The following RPS6KA5 variants were observed in gnomAD, a reference collection of about 807,000 sequenced individuals.
The protein encoded by RPS6KA5 is ribosomal protein S6 kinase A5, also known as ribosomal protein S6 kinase alpha-5.
Under a neutral mutation model 85.5 loss-of-function variants are expected in RPS6KA5, and 27 were observed. That is an observed-to-expected ratio of 0.32 (90% CI 0.23 to 0.44). The LOEUF is 0.44. RPS6KA5 is among the 20% of genes least tolerant of loss of function. The pLI is 1.00. For synonymous variants in RPS6KA5, 334 were observed against 348.2 expected (o/e 0.96, Z 0.46); for missense variants, 811 against 980.9 (o/e 0.83, Z 2.31).
chr14:90,923,319 T>C (rs555010756), intron 5 of RPS6KA5, 123 bp from the exon 6 acceptor site: 4 of 719,696 alleles, frequency 5.6e-6, no homozygotes, highest in South Asian at 4.8e-5. Context: ...TAGAATCTAC[T>C]TGACAGACCC....
chr14:91,011,691 C>G (rs939170856), intron 1 of RPS6KA5, among the ~76,000 whole-genome samples: 1 of 152,118 alleles, frequency 6.6e-6, no homozygotes, highest in African/African-American at 2.4e-5. Flanking sequence ...TGGAAAGGTA[C>G]CAATTGAGTC....
chr14:90,963,417 G>A (rs780267052), intron 3 of RPS6KA5, among the ~76,000 whole-genome samples: 2 of 152,082 alleles, frequency 1.3e-5, no homozygotes, highest in African/African-American at 2.4e-5. Flanking sequence ...AAATTTTAGG[G>A]AGAGGAATTG....
Position 90,864,648 on chromosome 14 carries a change from A to G in RPS6KA5, c.*7426T>C, listed in dbSNP as rs1462054569. 1 of 152,210 alleles carries G rather than the reference A, an allele frequency of 6.6e-6. No individual in the cohort carries two copies. The highest frequency in any genetic ancestry group is 1.5e-5 in the Non-Finnish European group (1 of 68,042). The allele number at this position is 152,210 out of a possible 1,614,324, so 9.4% of individuals were successfully genotyped here. A position where few individuals can be genotyped will look rare whatever the true frequency, so the allele number is the denominator to read the frequency against. ...TAAAATATCAGACAAAAACCCTCAT[A>G]TCCATAAAATATAAAAGACTCCTGC... is the stretch of plus-strand genomic sequence containing the variant. On this transcript the variant is annotated 3_prime_UTR_variant, in exon 17 of 17. Coordinates refer to ENST00000614987, the MANE Select transcript of RPS6KA5 (RefSeq NM_004755.4).
chr14:90,879,928 C>T (rs999508081), intron 14 of RPS6KA5, among the ~76,000 whole-genome samples: 9 of 151,874 alleles, frequency 5.9e-5, no homozygotes, highest in Admixed American at 3.9e-4. Context: ...GGATTACAGG[C>T]GCCTGCCACC....
intron 1 of RPS6KA5, among the ~76,000 whole-genome samples, chr14:91,054,034 C>G (rs1412913012): frequency 6.6e-6 from 1 of 152,040 alleles, no homozygotes; most frequent in African/African-American, 2.4e-5. Context: ...ATAAATAAAC[C>G]CATACATCTA....
rs1431105054 is a variant in RPS6KA5, at chr14:90,863,338, A to G, written c.*8736T>C. On this transcript the variant is annotated 3_prime_UTR_variant, in exon 17 of 17. Transcript: ENST00000614987. ...AAAAAAAAAAAAAAAAAAGAAAAGA[A>G]AAGAAAAAAATATATATATATAGAA... 4 of 147,500 alleles carry G rather than the reference A, an allele frequency of 2.7e-5. No individual in the cohort carries two copies. The highest frequency in any genetic ancestry group is 9.8e-5 in the African/African-American group (4 of 40,848). 9.1% of individuals were successfully genotyped at this position (147,500 alleles called of 1,614,324 possible). A position where few individuals can be genotyped will look rare whatever the true frequency, so the allele number is the denominator to read the frequency against.
intron 3 of RPS6KA5, among the ~76,000 whole-genome samples, chr14:90,965,011 G>C (rs2038989573): frequency 6.7e-6 from 1 of 150,332 alleles, no homozygotes; most frequent in Non-Finnish European, 1.5e-5. Flanking sequence ...ATTAAATTTT[G>C]ATAACTGTTG....
At chr14:90,988,735 T>C (rs1279327303) in intron 2 of RPS6KA5, among the ~76,000 whole-genome samples, 1 of 152,000 alleles carries the variant, frequency 6.6e-6, no homozygotes, top group Non-Finnish European at 1.5e-5. Flanking sequence ...ATTGCTTGAA[T>C]CCGGGAGGCG....
rs151217071 is a variant in RPS6KA5 at position 91,038,054 on chromosome 14, T to G, written c.103+22278A>C. On this transcript the variant is annotated intron_variant, in intron 1 of 16. Coordinates refer to ENST00000614987, the MANE Select transcript of RPS6KA5 (RefSeq NM_004755.4). ...CTTAAGGAGAACAAGTATCACCTTG[T>G]AAGAAATCCATCTCTATGTGATCTC... 3.3e-5 allele frequency among the ~76,000 whole-genome samples: 5 copies of G among 152,346 alleles called. No homozygotes were observed. In the East Asian group the frequency reaches 9.6e-4, roughly 29 times the overall value.
rs923035757 is a variant in RPS6KA5 at position 90,867,483 on chromosome 14, AACTTG to A, written c.*4586_*4590del. ...AAGAACAGCTGCTATACTAAATACT[AACTTG>A]ACTTATCTGAAGTATTCAATACTTT... On this transcript the variant is annotated 3_prime_UTR_variant, in exon 17 of 17. Transcript: ENST00000614987. 2.6e-5 allele frequency: 4 copies of A among 152,172 alleles called. No individual in the cohort carries two copies. The highest frequency in any genetic ancestry group is 5.9e-5 in the Non-Finnish European group (4 of 68,006). 9.4% of individuals were successfully genotyped at this position (152,172 alleles called of 1,614,324 possible).
At chr14:91,051,217 C>T (rs1278569708) in intron 1 of RPS6KA5, among the ~76,000 whole-genome samples, 2 of 151,636 alleles carry the variant, frequency 1.3e-5, no homozygotes, top group South Asian at 2.1e-4. Context: ...CCAGCCTGAG[C>T]GACAGAGTGG....
intron 1 of RPS6KA5, among the ~76,000 whole-genome samples, chr14:91,048,484 C>A (rs2042953983): frequency 6.6e-6 from 1 of 151,926 alleles, no homozygotes; most frequent in South Asian, 2.1e-4. Context: ...GGGGAGGATG[C>A]CTACTGAATA....
chr14:91,017,049 CA>C (rs2041530684), intron 1 of RPS6KA5, among the ~76,000 whole-genome samples: 1 of 152,112 alleles, frequency 6.6e-6, no homozygotes, highest in African/African-American at 2.4e-5. Flanking sequence ...GGCTCATGAA[CA>C]AAGTGGCCAT....
At chr14:90,917,377 G>A (rs992218212) in intron 7 of RPS6KA5, among the ~76,000 whole-genome samples, 1 of 152,020 alleles carries the variant, frequency 6.6e-6, no homozygotes, top group African/African-American at 2.4e-5. Flanking sequence ...TACAATTGAC[G>A]TACAATAAAA....
At chr14:90,925,941 C>CAAAAAAAAAAAAAAAAAA (rs71117389) in intron 5 of RPS6KA5, among the ~76,000 whole-genome samples, 7 of 73,488 alleles carry the variant, frequency 9.5e-5, no homozygotes, top group African/African-American at 1.7e-4. Flanking sequence ...GACCCTGACT[C>CAAAAAAAAAAAAAAAAAA]AAAAAAAAAA....
Position 90,953,085 on chromosome 14 carries a change from A to T in RPS6KA5, c.395-5535T>A, listed in dbSNP as rs374912530. On this transcript the variant is annotated intron_variant, in intron 3 of 16. Coordinates refer to ENST00000614987, the MANE Select transcript of RPS6KA5 (RefSeq NM_004755.4). ...TTCAGCACCATGGCACATTTATATA[A>T]AAAGAAAGGGAGAGATGTTGCGAGA... Among the ~76,000 whole-genome samples, 17 of 152,342 alleles carry T rather than the reference A, an allele frequency of 1.1e-4. No individual in the cohort carries two copies. In the East Asian group the frequency reaches 2.1e-3, roughly 19 times the overall value.
chr14:90,901,293 G>T (rs2035155244), intron 9 of RPS6KA5, among the ~76,000 whole-genome samples: 1 of 151,990 alleles, frequency 6.6e-6, no homozygotes. Flanking sequence ...TCTCGAACTG[G>T]TCTCAAACCC....
At chr14:90,903,377 A>G (rs1012227101) in intron 8 of RPS6KA5, among the ~76,000 whole-genome samples, 2 of 152,244 alleles carry the variant, frequency 1.3e-5, no homozygotes, top group African/African-American at 4.8e-5. Flanking sequence ...TATTAGCTCT[A>G]AAAGAATGTT....
intron 1 of RPS6KA5, among the ~76,000 whole-genome samples, chr14:91,028,417 A>G (rs953516953): frequency 1.3e-5 from 2 of 151,986 alleles, no homozygotes; most frequent in African/African-American, 4.8e-5. Flanking sequence ...AGGTCTTCCT[A>G]CGTTGCCCAG....
Sources: allele counts gnomAD v4.1 joint callset (sites outside exome capture counted in the v4.1 genomes callset), GRCh38; gene constraint gnomAD v4.1.1; transcripts MANE v1.5; gene names NCBI Gene and HGNC (gene_info 2026-07-23, HGNC 2026-07-21).